Variants in STT3B observed in about 807,000 individuals in gnomAD.
STT3B encodes dolichyl-diphosphooligosaccharide--protein glycosyltransferase subunit STT3B.
STT3B carries 29 observed loss-of-function variants against 96.8 expected under a neutral mutation model. The ratio of observed to expected loss-of-function variants is 0.30; its 90% CI spans 0.22 to 0.41. STT3B has a LOEUF of 0.41. Ranked by LOEUF, STT3B falls within the 10% of genes least tolerant of loss-of-function variation. The probability of loss-of-function intolerance (pLI) is 1.00; values close to 1 mark genes in which losing one functional copy is unlikely to be tolerated. For missense variants in STT3B, 640 were observed against 1,022.3 expected, an observed-to-expected ratio of 0.63 and a Z score of 5.10; for synonymous variants, 367 against 360.0, an observed-to-expected ratio of 1.02 and a Z score of -0.22.
chr3:31,553,853 G>C (rs1697629832), intron 1 of STT3B, among the ~76,000 whole-genome samples: 1 of 152,208 alleles, frequency 6.6e-6, no homozygotes, highest in Non-Finnish European at 1.5e-5. Context: ...CAGGGACCAA[G>C]TTTGCCTGTG....
rs560357989 is a variant in STT3B at position 31,546,652 on chromosome 3, T to C, written c.314+13340T>C. ...TCATCTTTGGAAACACTTACCACAATGTGTTTATCATTTTTATCTCCCGTA... is the reference window on the plus strand; with the variant it reads ...TCATCTTTGGAAACACTTACCACAACGTGTTTATCATTTTTATCTCCCGTA... On this transcript the variant is annotated intron_variant, in intron 1 of 15. Coordinates refer to ENST00000295770, the MANE Select transcript of STT3B (RefSeq NM_178862.3). Among the ~76,000 whole-genome samples, 15 of 152,326 alleles carry C rather than the reference T, an allele frequency of 9.8e-5. No homozygotes were observed. The East Asian group carries it at 2.9e-3, about 29-fold the overall frequency.
chr3:31,533,338 G>C, intron 1 of STT3B, 26 bp downstream of exon 1: 1 of 1,481,348 alleles, frequency 6.8e-7, no homozygotes, highest in East Asian at 3.0e-5. Flanking sequence ...CCCCTCCCCC[G>C]CCCGTGGCCC....
intron 10 of STT3B, among the ~76,000 whole-genome samples, chr3:31,622,814 A>G (rs1187102218): frequency 6.6e-6 from 1 of 152,198 alleles, no homozygotes; most frequent in Non-Finnish European, 1.5e-5. Flanking sequence ...ACTGGCCAAT[A>G]CAGGTAATTT....
At chr3:31,573,901 A>G (rs1445421209) in intron 1 of STT3B, among the ~76,000 whole-genome samples, 1 of 152,094 alleles carries the variant, frequency 6.6e-6, no homozygotes, top group African/African-American at 2.4e-5. Context: ...AACAGAGAAG[A>G]TTAGAGAGGT....
In STT3B at chr3:31,576,483, AG is replaced by A; in HGVS notation, c.404del (p.Gly135GlufsTer3). 1 of 1,585,504 alleles carries A rather than the reference AG, an allele frequency of 6.3e-7. No individual in the cohort carries two copies. Among genetic ancestry groups the A allele is most frequent in the Non-Finnish European group, 8.6e-7 (1 of 1,159,092 alleles). On this transcript the variant is annotated frameshift_variant, in exon 2 of 16. Transcript: ENST00000295770. LOFTEE classifies it high-confidence loss of function. ...WFDERAWYPL[G>X]RIVGGTVYPG... Reference sequence around the variant, plus strand: ...TTGATGAAAGAGCATGGTATCCACTAGGAAGAATAGTAGGTGGTACTGTAAG... The same window carrying A: ...TTGATGAAAGAGCATGGTATCCACTAGAAGAATAGTAGGTGGTACTGTAAG...
chr3:31,540,457 GTTTTC>G (rs920005521), intron 1 of STT3B, among the ~76,000 whole-genome samples: 1 of 151,984 alleles, frequency 6.6e-6, no homozygotes, highest in African/African-American at 2.4e-5. Context: ...TTCTTTTGGG[GTTTTC>G]TTTTCTTTTT....
chr3:31,615,421 G>A (rs1261762681), intron 6 of STT3B, among the ~76,000 whole-genome samples: 3 of 151,768 alleles, frequency 2.0e-5, no homozygotes, highest in African/African-American at 7.2e-5. Flanking sequence ...TATTTTATTT[G>A]TAACATCTGT....
chr3:31,617,577 A>G (rs142456840), intron 7 of STT3B, among the ~76,000 whole-genome samples: 78 of 152,146 alleles, frequency 5.1e-4, no homozygotes, highest in African/African-American at 1.7e-3. Context: ...GGACTAGATC[A>G]TTTAGAAACT....
intron 5 of STT3B, among the ~76,000 whole-genome samples, chr3:31,602,609 A>G (rs960274992): frequency 2.0e-5 from 3 of 151,966 alleles, no homozygotes; most frequent in Admixed American, 6.6e-5. Context: ...CTTAGCACCA[A>G]GATTTCAAAG....
intron 1 of STT3B, among the ~76,000 whole-genome samples, chr3:31,553,834 CTG>C (rs1697629712): frequency 6.6e-6 from 1 of 152,164 alleles, no homozygotes; most frequent in African/African-American, 2.4e-5. Flanking sequence ...ATTGTCAGCT[CTG>C]TGAGGTCAGG....
intron 1 of STT3B, among the ~76,000 whole-genome samples, chr3:31,544,944 G>T (rs147177150): frequency 7.4e-6 from 1 of 135,832 alleles, no homozygotes; most frequent in Non-Finnish European, 1.6e-5. Flanking sequence ...CTCAGGGAGC[G>T]GGGGGGGAAC....
chr3:31,533,574 G>A (rs1025039839), intron 1 of STT3B: 37 of 293,048 alleles, frequency 1.3e-4, no homozygotes, highest in African/African-American at 7.7e-4. Flanking sequence ...AGACTGCCAG[G>A]AGTGTGGATG....
intron 5 of STT3B, among the ~76,000 whole-genome samples, chr3:31,604,607 A>T (rs1352522620): frequency 3.9e-5 from 6 of 152,228 alleles, no homozygotes; most frequent in African/African-American, 1.4e-4. Context: ...TGATACAAAG[A>T]TGAATAAAAA....
rs530431635 is a variant in STT3B, at chr3:31,586,462, T to C, written c.711+6366T>C. The stretch of plus-strand genomic sequence containing the variant: ...CTCTTGGTATCTTCTCTAAGAGATC[T>C]TTGCCTACCCTAAATCACAAAGATT... On this transcript the variant is annotated intron_variant, in intron 3 of 15. Coordinates refer to ENST00000295770, the MANE Select transcript of STT3B (RefSeq NM_178862.3). Among the ~76,000 whole-genome samples, 17 of 152,268 alleles carry C rather than the reference T, an allele frequency of 1.1e-4. 1 individual carries two copies. In the South Asian group the frequency reaches 3.1e-3, roughly 28 times the overall value.
chr3:31,631,264 C>G (rs959064191), intron 14 of STT3B, among the ~76,000 whole-genome samples: 2 of 152,102 alleles, frequency 1.3e-5, no homozygotes, highest in Non-Finnish European at 2.9e-5. Context: ...CTGTAGATGA[C>G]TTAAAAAACA....
intron 1 of STT3B, among the ~76,000 whole-genome samples, chr3:31,572,376 TATCTC>T (rs1698180234): frequency 6.6e-6 from 1 of 151,566 alleles, no homozygotes; most frequent in South Asian, 2.1e-4. Flanking sequence ...CTTTGACACT[TATCTC>T]TATGAGTCAA....
chr3:31,568,030 A>G (rs1051334346), intron 1 of STT3B, among the ~76,000 whole-genome samples: 3 of 151,230 alleles, frequency 2.0e-5, no homozygotes, highest in Admixed American at 1.3e-4. Flanking sequence ...GCCTCTGGTA[A>G]TCATCATTCT....
At chr3:31,618,016 A>G in intron 8 of STT3B, 28 bp downstream of exon 8, 1 of 1,467,950 alleles carries the variant, frequency 6.8e-7, no homozygotes. Flanking sequence ...ATTTGGCATC[A>G]TATTTATTGA....
At chr3:31,572,602 C>T (rs1031186632) in intron 1 of STT3B, among the ~76,000 whole-genome samples, 1 of 152,132 alleles carries the variant, frequency 6.6e-6, no homozygotes, top group Admixed American at 6.6e-5. Flanking sequence ...TGGCTCACGC[C>T]AGTAATCCCA....
Sources: allele counts gnomAD v4.1 joint callset (sites outside exome capture counted in the v4.1 genomes callset), GRCh38; gene constraint gnomAD v4.1.1; transcripts MANE v1.5; gene names NCBI Gene and HGNC (gene_info 2026-07-23, HGNC 2026-07-21).